FAT1: variants seen among roughly 807,000 people sequenced by gnomAD.
FAT1 encodes the protein FAT atypical cadherin 1.
Under a neutral mutation model 329.8 loss-of-function variants are expected in FAT1, and 171 were observed. The observed-to-expected ratio is 0.52, with a 90% CI of 0.46 to 0.59. The LOEUF (loss-of-function observed/expected upper bound fraction) is 0.59, where lower values mean the gene tolerates loss of function less well. Ranked by LOEUF, FAT1 falls within the 20% of genes least tolerant of loss-of-function variation. FAT1 has a pLI of 0.00. For synonymous variants in FAT1, 2,233 were observed against 2,228.6 expected, an observed-to-expected ratio of 1.00 and a Z score of -0.06; for missense variants, 5,672 against 5,774.4, an observed-to-expected ratio of 0.98 and a Z score of 0.57.
rs2126403314 is a variant in FAT1, at chr4:186,598,104, G to A, written c.12125C>T (p.Ala4042Val). The A allele has an allele frequency of 6.2e-7, 1 of 1,609,528 alleles. No homozygotes were observed. Among genetic ancestry groups the A allele is most frequent in the Non-Finnish European group, 8.5e-7 (1 of 1,178,860 alleles). The change falls in exon 23 of 27, where the codon GCC (alanine) becomes GTC (valine). Residue 4042 changes from alanine to valine, a missense_variant. By Grantham distance (64) the Ala-to-Val change is moderately conservative. Transcript: ENST00000441802. ...CTCACAGTGGGTCCCTATGTACAAG[G>A]CACTGCATTTGCAGTAATAACCTAA... ...PAGGYYCKCS[A>V]LYIGTHCEIS...
intron 17 of FAT1, among the ~76,000 whole-genome samples, chr4:186,605,236 G>A (rs1256184960): frequency 1.5e-5 from 2 of 135,080 alleles, no homozygotes; most frequent in African/African-American, 5.9e-5. Context: ...AAAAAAAAAA[G>A]AGGAAGAGAG....
rs1022833791 is a variant in FAT1, at chr4:186,596,655, G to A, written c.12885C>T (p.His4295=). 4 of 1,611,260 alleles carry A rather than the reference G, an allele frequency of 2.5e-6. No individual in the cohort carries two copies. Among genetic ancestry groups the A allele is most frequent in the Non-Finnish European group, 3.4e-6 (4 of 1,178,424 alleles). The change falls in exon 25 of 27, where the codon CAC becomes CAT. Residue 4295 remains histidine, a synonymous_variant. Coordinates refer to ENST00000441802, the MANE Select transcript of FAT1 (RefSeq NM_005245.4). The surrounding 1 kb of genome is among the most constrained non-coding windows in gnomAD (Gnocchi z 4.7). ...CGCTGCAGACCGCCACTGCTTTTCG[G>A]TGCCCGTGCACAGACTCGGGGTTAA... ...STFNPESVHG[H]RKAVAVCSVA...
intron 1 of FAT1, among the ~76,000 whole-genome samples, chr4:186,715,881 A>G (rs1357990996): frequency 4.6e-5 from 7 of 152,228 alleles, no homozygotes; most frequent in Non-Finnish European, 1.0e-4. Flanking sequence ...ACGGCAGAAA[A>G]ATAACTTTTG....
At chr4:186,604,245 A>G in intron 18 of FAT1, 132 bp downstream of exon 18, 5 of 800,640 alleles carry the variant, frequency 6.2e-6, no homozygotes, top group Non-Finnish European at 9.7e-6. Flanking sequence ...GTATGGCAAA[A>G]AACAAAGACA....
At chr4:186,665,849 G>C (rs1014861102) in intron 2 of FAT1, among the ~76,000 whole-genome samples, 1 of 151,896 alleles carries the variant, frequency 6.6e-6, no homozygotes, top group Non-Finnish European at 1.5e-5. Context: ...TGGAATACTA[G>C]GCAGCCATAA....
At chr4:186,660,419 G>T (rs1310771472) in intron 3 of FAT1, among the ~76,000 whole-genome samples, 1 of 152,200 alleles carries the variant, frequency 6.6e-6, no homozygotes, top group East Asian at 1.9e-4. Flanking sequence ...CATCTTCAGA[G>T]ACTTTAGGTG....
chr4:186,677,363 C>A (rs1743007190), intron 2 of FAT1, among the ~76,000 whole-genome samples: 1 of 152,110 alleles, frequency 6.6e-6, no homozygotes, highest in South Asian at 2.1e-4. Flanking sequence ...TTAAATCAAA[C>A]AGCCCTATCT....
intron 12 of FAT1, 48 bp from the exon 13 acceptor site, chr4:186,613,390 G>A (rs1419183241): frequency 1.5e-6 from 2 of 1,350,602 alleles, no homozygotes; most frequent in Admixed American, 3.4e-5. Flanking sequence ...GACGTGACTT[G>A]CAGTTGTACA....
At chr4:186,605,547 GAGGAATGGAGAAGAGGTGGA>G (rs1739084584) in intron 17 of FAT1, among the ~76,000 whole-genome samples, 3 of 118,934 alleles carry the variant, frequency 2.5e-5, no homozygotes, top group Admixed American at 1.7e-4. Flanking sequence ...AGAGAAGGAG[GAGGAATGGAGAAGAGGTGGA>G]GGGAGGGGGG....
At chr4:186,598,168 A>T (rs2126403979) in intron 22 of FAT1, 43 bp from the exon 23 acceptor site, 1 of 1,544,512 alleles carries the variant, frequency 6.5e-7, no homozygotes, top group Non-Finnish European at 8.8e-7. Context: ...TCACTCAATG[A>T]CTCAGAAACC....
chr4:186,630,137 C>A (rs1740518895), intron 7 of FAT1, among the ~76,000 whole-genome samples: 1 of 152,158 alleles, frequency 6.6e-6, no homozygotes, highest in Non-Finnish European at 1.5e-5. Context: ...GGTCTCTGCC[C>A]TCATAGAGCC....
chr4:186,709,358 G>A lies in FAT1; in HGVS notation c.470C>T (p.Ser157Phe), dbSNP rs2126703583. Residue 157 changes from serine to phenylalanine, a missense_variant, in exon 2 of 27, where the codon TCT becomes TTT. Transcript: ENST00000441802. ...PLFSPTSYSV[S>F]LPENTAIRTS... ...CCTTATAGCTGTGTTTTCAGGTAAAGAAACGCTGTATGAGGTGGGTGAGAA... is the reference window on the plus strand; with the variant it reads ...CCTTATAGCTGTGTTTTCAGGTAAAAAAACGCTGTATGAGGTGGGTGAGAA... The A allele has an allele frequency of 6.2e-7, 1 of 1,613,984 alleles. No individual in the cohort carries two copies. The highest frequency in any genetic ancestry group is 1.3e-5 in the African/African-American group (1 of 75,026).
At position 186,618,810 on chromosome 4, in the gene FAT1, A is replaced by G; in HGVS notation, c.7776T>C (p.Asn2592=). The G allele has an allele frequency of 6.2e-7, 1 of 1,614,014 alleles. No homozygotes were observed. The highest frequency in any genetic ancestry group is 2.2e-5 in the East Asian group (1 of 44,882). ...VNVILTDDND[N]APQFRATKYE... is the part of the protein sequence containing the mutation. ...ATTTGGTTGCTCGAAATTGTGGTGC[A>G]TTGTCATTGTCATCTGTAAGGATGA... Residue 2592 remains asparagine (N), a synonymous_variant, in exon 10 of 27, where the codon AAT becomes AAC. Coordinates refer to ENST00000441802, the MANE Select transcript of FAT1 (RefSeq NM_005245.4).
Position 186,619,137 on chromosome 4 carries a change from A to G in FAT1, c.7449T>C (p.Ile2483=), listed in dbSNP as rs1739891469. 6.2e-7 allele frequency: 1 copy of G among 1,613,882 alleles called. No homozygotes were observed. The highest frequency in any genetic ancestry group is 1.3e-5 in the African/African-American group (1 of 74,934). The change falls in exon 10 of 27, where the codon ATT becomes ATC. Residue 2483 remains isoleucine, a synonymous_variant. Transcript: ENST00000441802. ...RSSTQVHVTV[I]GGNLHSPAFL... is the part of the protein sequence containing the mutation. ...AAGCAGGACTGTGCAAATTGCCTCC[A>G]ATTACAGTTACATGAACCTGGGTGG...
At chr4:186,608,952 A>G (rs572293365) in intron 16 of FAT1, among the ~76,000 whole-genome samples, 1 of 152,342 alleles carries the variant, frequency 6.6e-6, no homozygotes, top group South Asian at 2.1e-4. Flanking sequence ...AACCAACAGT[A>G]ATTCCTTCCT....
chr4:186,680,798 G>T (rs1209838161), intron 2 of FAT1, among the ~76,000 whole-genome samples: 2 of 152,184 alleles, frequency 1.3e-5, no homozygotes, highest in Non-Finnish European at 2.9e-5. Flanking sequence ...CAAATCTCTT[G>T]AAATCTCAGT....
At chr4:186,628,467 G>A (rs1403025485) in intron 8 of FAT1, 21 bp downstream of exon 8, 2 of 1,613,418 alleles carry the variant, frequency 1.2e-6, no homozygotes, top group South Asian at 2.2e-5. Flanking sequence ...ATGGTGGGAG[G>A]AGAGCGGGTA....
intron 2 of FAT1, among the ~76,000 whole-genome samples, chr4:186,669,667 C>A (rs1423634582): frequency 1.3e-5 from 2 of 152,126 alleles, no homozygotes; most frequent in Non-Finnish European, 2.9e-5. Flanking sequence ...AAATATGCAT[C>A]CAGTGGAGAA....
chr4:186,692,473 C>T (rs916896296), intron 2 of FAT1, among the ~76,000 whole-genome samples: 4 of 151,988 alleles, frequency 2.6e-5, no homozygotes, highest in East Asian at 1.9e-4. Context: ...CCACCACGCC[C>T]GGCTAATTTT....
Sources: allele counts gnomAD v4.1 joint callset (sites outside exome capture counted in the v4.1 genomes callset), GRCh38; gene constraint gnomAD v4.1.1; non-coding constraint Gnocchi (gnomAD v3.1); transcripts MANE v1.5; gene names NCBI Gene and HGNC (gene_info 2026-07-23, HGNC 2026-07-21).